The following MTSS1 variants were observed in gnomAD, a reference collection of about 807,000 sequenced individuals.
MTSS1 encodes the protein protein MTSS 1.
MTSS1 carries 18 observed loss-of-function variants against 79.0 expected under a neutral mutation model. That is an observed-to-expected ratio of 0.23 (90% confidence interval 0.16 to 0.34). The LOEUF (loss-of-function observed/expected upper bound fraction) is 0.34. Ranked by LOEUF, MTSS1 falls within the 10% of genes least tolerant of loss-of-function variation. The probability of loss-of-function intolerance (pLI) is 1.00; values close to 1 mark genes in which losing one functional copy is unlikely to be tolerated. For synonymous variants in MTSS1, 341 were observed against 368.6 expected (o/e 0.93, Z 0.86); for missense variants, 815 against 986.2 (o/e 0.83, Z 2.33).
intron 3 of MTSS1, among the ~76,000 whole-genome samples, chr8:124,674,130 T>C (rs1196685746): frequency 1.3e-5 from 2 of 152,126 alleles, no homozygotes; most frequent in Non-Finnish European, 2.9e-5. Context: ...GAATATATTA[T>C]TTTATTTTTT....
chr8:124,570,188 G>A (rs970284511), intron 6 of MTSS1, among the ~76,000 whole-genome samples: 5 of 152,228 alleles, frequency 3.3e-5, no homozygotes, highest in African/African-American at 1.2e-4. Flanking sequence ...TAAGTTCTAA[G>A]TTAGCACATT....
chr8:124,712,402 CA>C (rs1831302736), intron 1 of MTSS1, among the ~76,000 whole-genome samples: 1 of 152,192 alleles, frequency 6.6e-6, no homozygotes, highest in East Asian at 1.9e-4. Flanking sequence ...AGGAGGCTGG[CA>C]CCTTCTGACC....
chr8:124,723,067 A>G (rs1833176500), intron 1 of MTSS1, among the ~76,000 whole-genome samples: 1 of 152,222 alleles, frequency 6.6e-6, no homozygotes, highest in Non-Finnish European at 1.5e-5. Context: ...GACAGACATC[A>G]TTTTAGCTTT....
intron 3 of MTSS1, chr8:124,673,392 A>G (rs1824657161): frequency 6.6e-6 from 1 of 152,168 alleles, no homozygotes; most frequent in Admixed American, 6.6e-5. Context: ...CACAAAAAAA[A>G]AAAAAAAAAT....
chr8:124,690,822 CCAT>C (rs1435760394), intron 3 of MTSS1, among the ~76,000 whole-genome samples: 17 of 152,184 alleles, frequency 1.1e-4, no homozygotes, highest in African/African-American at 3.9e-4. Flanking sequence ...AACCATAACT[CCAT>C]CAACTGAAAA....
At position 124,563,901 on chromosome 8, in the gene MTSS1, C is replaced by T. The variant is rs528943809; in HGVS notation, c.825-909G>A. ...ATCCCAACACTTCAGAAGGCCAAAG[C>T]GGGTGGATCACCTGAAGTCAGGAGT... On this transcript the variant is annotated intron_variant, in intron 9 of 13. Transcript: ENST00000518547. Among the ~76,000 whole-genome samples, 22 of 152,262 alleles carry T rather than the reference C, an allele frequency of 1.4e-4. No individual in the cohort carries two copies. In the Middle Eastern group the frequency reaches 0.014, roughly 94 times the overall value.
intron 8 of MTSS1, 40 bp downstream of exon 8, chr8:124,567,031 T>C: frequency 6.6e-7 from 1 of 1,505,558 alleles, no homozygotes; most frequent in Non-Finnish European, 9.2e-7. Context: ...CTTTTACCTC[T>C]TTGGTTTGAT....
Position 124,576,699 on chromosome 8 carries a change from C to T in MTSS1, c.461-8163G>A, listed in dbSNP as rs117272778. ...GGCACCAGGCGTGAATCAATTAGTC[C>T]TACAAAAACCATAAATGGCTGATGG... is the stretch of plus-strand genomic sequence containing the variant. On this transcript the variant is annotated intron_variant, in intron 6 of 13. Coordinates refer to ENST00000518547, the MANE Select transcript of MTSS1 (RefSeq NM_014751.6). Among the ~76,000 whole-genome samples the T allele has an allele frequency of 5.9e-5, 9 of 152,280 alleles. No homozygotes were observed. The East Asian group carries it at 1.7e-3, about 29-fold the overall frequency.
At chr8:124,718,265 T>TC (rs1446566619) in intron 1 of MTSS1, among the ~76,000 whole-genome samples, 2 of 151,908 alleles carry the variant, frequency 1.3e-5, no homozygotes, top group Admixed American at 6.5e-5. Flanking sequence ...GCTAATTTTT[T>TC]TTTTTTAAGA....
intron 3 of MTSS1, among the ~76,000 whole-genome samples, chr8:124,675,486 G>A (rs1427699257): frequency 6.6e-6 from 1 of 152,220 alleles, no homozygotes; most frequent in African/African-American, 2.4e-5. Context: ...ATGCATGTGT[G>A]TGTTTTATAT....
At position 124,704,499 on chromosome 8, in the gene MTSS1, C is replaced by T. The variant is rs557138517; in HGVS notation, c.73-308G>A. Among the ~76,000 whole-genome samples the T allele has an allele frequency of 7.1e-4, 108 of 152,310 alleles. 2 individuals carry two copies. Among genetic ancestry groups the T allele is most frequent in the South Asian group, 6.0e-3 (29 of 4,828 alleles). ...TTTAAGGTGTACAGAACATTTAAAG[C>T]TCCACCCTGAACCACTTGTTCATGA... is the stretch of plus-strand genomic sequence containing the variant. On this transcript the variant is annotated intron_variant, in intron 1 of 13. Transcript: ENST00000518547.
chr8:124,716,003 G>A (rs77910675), intron 1 of MTSS1, among the ~76,000 whole-genome samples: 4,991 of 152,304 alleles, frequency 0.033, 250 homozygotes, highest in African/African-American at 0.11. Flanking sequence ...ACTCTGCTTT[G>A]ATGACTCAAT....
intron 1 of MTSS1, among the ~76,000 whole-genome samples, chr8:124,713,535 T>C (rs952359705): frequency 5.9e-5 from 9 of 152,332 alleles, no homozygotes; most frequent in Non-Finnish European, 1.3e-4. Context: ...GAGATTCTCC[T>C]GCCTCAGCCT....
intron 3 of MTSS1, among the ~76,000 whole-genome samples, chr8:124,673,993 T>C (rs1379107897): frequency 6.6e-6 from 1 of 152,190 alleles, no homozygotes; most frequent in East Asian, 1.9e-4. Context: ...TGATCCAAGC[T>C]GCAGCATGAT....
At chr8:124,568,706 G>C in intron 6 of MTSS1, 170 bp from the exon 7 acceptor site, 1 of 1,472,028 alleles carries the variant, frequency 6.8e-7, no homozygotes, top group Non-Finnish European at 9.1e-7. Flanking sequence ...TCTAGGACCA[G>C]CCATTTCCAA....
At chr8:124,646,112 G>A (rs910807911) in intron 3 of MTSS1, among the ~76,000 whole-genome samples, 8 of 152,160 alleles carry the variant, frequency 5.3e-5, no homozygotes, top group African/African-American at 1.9e-4. Flanking sequence ...CCTGGGCCAC[G>A]CTGAAACCTC....
At chr8:124,632,873 A>G (rs1816261715) in intron 3 of MTSS1, among the ~76,000 whole-genome samples, 1 of 152,086 alleles carries the variant, frequency 6.6e-6, no homozygotes, top group African/African-American at 2.4e-5. Context: ...TTGCCATGTT[A>G]ACCAGGCTGG....
intron 2 of MTSS1, among the ~76,000 whole-genome samples, chr8:124,702,543 TG>T (rs1829848551): frequency 6.6e-6 from 1 of 152,274 alleles, no homozygotes; most frequent in African/African-American, 2.4e-5. Flanking sequence ...GCTGAAGGAA[TG>T]AAAGAAAAAA....
At chr8:124,556,203 C>T (rs769181024) in intron 12 of MTSS1, 29 bp downstream of exon 12, 4 of 1,614,010 alleles carry the variant, frequency 2.5e-6, no homozygotes, top group South Asian at 1.1e-5. Flanking sequence ...GAGGTGGCCC[C>T]AACCAGCTAC....
Sources: gnomAD v4.1 joint callset for allele counts (sites outside exome capture counted in the v4.1 genomes callset) on GRCh38, gnomAD v4.1.1 for gene constraint, MANE v1.5 for transcripts, NCBI Gene and HGNC (gene_info 2026-07-23, HGNC 2026-07-21) for gene names.